The following NPAS3 variants were observed in gnomAD, a reference collection of about 807,000 sequenced individuals.
The protein encoded by NPAS3 is neuronal PAS domain protein 3.
A neutral mutation model predicts 73.1 loss-of-function variants in NPAS3; 14 were observed. That is an observed-to-expected ratio of 0.19 (90% CI 0.13 to 0.30). The LOEUF is 0.30. Among genes scored for constraint, NPAS3 ranks in the 10% least tolerant of loss-of-function variants. The pLI, the probability that NPAS3 is intolerant of heterozygous loss-of-function variation, is 1.00. For synonymous variants in NPAS3, 620 were observed against 541.5 expected (o/e 1.14, Z -2.01); for missense variants, 1,096 against 1,250.0 (o/e 0.88, Z 1.86).
intron 4 of NPAS3, among the ~76,000 whole-genome samples, chr14:33,466,018 T>C (rs1231158599): frequency 1.3e-5 from 2 of 152,156 alleles, no homozygotes; most frequent in Non-Finnish European, 2.9e-5. Flanking sequence ...TCAAAACACA[T>C]AGCAGATGGG....
At chr14:33,279,077 C>A (rs1007675432) in intron 3 of NPAS3, among the ~76,000 whole-genome samples, 5 of 152,100 alleles carry the variant, frequency 3.3e-5, no homozygotes, top group Admixed American at 2.6e-4. Context: ...ACCTGGAGAG[C>A]TTATTAAACA....
chr14:33,720,952 A>T (rs1312722640), intron 6 of NPAS3, among the ~76,000 whole-genome samples: 2 of 152,136 alleles, frequency 1.3e-5, no homozygotes, highest in African/African-American at 4.8e-5. Flanking sequence ...AAATATATAA[A>T]TATGGAAAAT....
At chr14:33,232,854 TA>T (rs2047901242) in intron 3 of NPAS3, among the ~76,000 whole-genome samples, 1 of 152,176 alleles carries the variant, frequency 6.6e-6, no homozygotes, top group Non-Finnish European at 1.5e-5. Context: ...AGCAGATATT[TA>T]AGTACAGGTT....
At chr14:33,307,644 T>C (rs1350865100) in intron 3 of NPAS3, among the ~76,000 whole-genome samples, 1 of 146,478 alleles carries the variant, frequency 6.8e-6, no homozygotes, top group Non-Finnish European at 1.5e-5. Flanking sequence ...TGCTGACTTA[T>C]TTCATGAAAA....
chr14:33,031,176 T>G (rs2039974674), intron 1 of NPAS3, among the ~76,000 whole-genome samples: 1 of 152,186 alleles, frequency 6.6e-6, no homozygotes. Flanking sequence ...CAGACTGGTG[T>G]TATTTCCATT....
intron 3 of NPAS3, among the ~76,000 whole-genome samples, chr14:33,320,292 T>C (rs1432230840): frequency 1.3e-5 from 2 of 152,160 alleles, no homozygotes; most frequent in East Asian, 3.9e-4. Context: ...GATACATTTC[T>C]ATTCAGTAAT....
chr14:33,686,419 T>C lies in NPAS3; in HGVS notation c.733+10034T>C, dbSNP rs573615365. Among the ~76,000 whole-genome samples, 102 of 152,292 alleles carry C rather than the reference T, an allele frequency of 6.7e-4. 1 individual carries two copies. The highest frequency in any genetic ancestry group is 1.3e-3 in the Admixed American group (20 of 15,296). ...AATGAAAACATTATTTTATTACTTA[T>C]AAATACAAAAAAGTTTAGAAGGAAC... On this transcript the variant is annotated intron_variant, in intron 6 of 11. Transcript: ENST00000356141.
chr14:33,200,560 T>C (rs2046575815), intron 2 of NPAS3, among the ~76,000 whole-genome samples: 1 of 143,622 alleles, frequency 7.0e-6, no homozygotes, highest in Non-Finnish European at 1.6e-5. Flanking sequence ...AAGGTTATTA[T>C]TGGCACTAAA....
chr14:33,684,243 A>G (rs560555552), intron 6 of NPAS3, among the ~76,000 whole-genome samples: 229 of 150,978 alleles, frequency 1.5e-3, no homozygotes, highest in Middle Eastern at 3.4e-3. Context: ...TTTTTTTAAC[A>G]TAGTCTCTTA....
chr14:32,963,239 TA>T (rs1407631028), intron 1 of NPAS3, among the ~76,000 whole-genome samples: 1 of 152,198 alleles, frequency 6.6e-6, no homozygotes, highest in African/African-American at 2.4e-5. Context: ...TTTGCTGTAA[TA>T]GGCCCCATAT....
intron 7 of NPAS3, among the ~76,000 whole-genome samples, chr14:33,769,258 C>T (rs746748333): frequency 6.6e-6 from 1 of 152,228 alleles, no homozygotes; most frequent in Non-Finnish European, 1.5e-5. Context: ...ATACCTTCAA[C>T]TATCATCACT....
chr14:33,692,088 T>C (rs2140412734), intron 6 of NPAS3, among the ~76,000 whole-genome samples: 1 of 152,322 alleles, frequency 6.6e-6, no homozygotes, highest in Admixed American at 6.5e-5. Flanking sequence ...AGAGTGTTTA[T>C]GCAATTAAAC....
At chr14:33,068,887 A>G (rs1349325763) in intron 2 of NPAS3, among the ~76,000 whole-genome samples, 1 of 152,082 alleles carries the variant, frequency 6.6e-6, no homozygotes, top group African/African-American at 2.4e-5. Flanking sequence ...TGGGGGCTGA[A>G]TGAGCAAGGA....
intron 3 of NPAS3, among the ~76,000 whole-genome samples, chr14:33,261,732 A>G (rs2048983727): frequency 6.6e-6 from 1 of 152,164 alleles, no homozygotes. Context: ...TTCCTCCAAT[A>G]TACATTTTCC....
At chr14:33,022,657 T>A (rs1469107920) in intron 1 of NPAS3, among the ~76,000 whole-genome samples, 3 of 87,776 alleles carry the variant, frequency 3.4e-5, no homozygotes, top group African/African-American at 5.5e-5. Context: ...AGAGCGAGAC[T>A]CCGTCCCAAA....
chr14:33,154,702 G>C (rs183447693), intron 2 of NPAS3, among the ~76,000 whole-genome samples: 1 of 152,260 alleles, frequency 6.6e-6, no homozygotes, highest in Admixed American at 6.5e-5. Flanking sequence ...CCTTAGAAAA[G>C]GATTCCAGGC....
intron 1 of NPAS3, among the ~76,000 whole-genome samples, chr14:33,019,266 A>G (rs2039504334): frequency 6.6e-6 from 1 of 152,260 alleles, no homozygotes; most frequent in Non-Finnish European, 1.5e-5. Context: ...CAGCATTTTA[A>G]TTAGTGATTC....
At chr14:33,388,045 G>T (rs1371682729) in intron 4 of NPAS3, among the ~76,000 whole-genome samples, 4 of 152,194 alleles carry the variant, frequency 2.6e-5, no homozygotes, top group South Asian at 2.1e-4. Flanking sequence ...GTGTGACCTT[G>T]AGTAGGACCT....
intron 2 of NPAS3, among the ~76,000 whole-genome samples, chr14:33,175,108 C>A (rs1486101982): frequency 6.6e-6 from 1 of 151,742 alleles, no homozygotes; most frequent in Admixed American, 6.6e-5. Flanking sequence ...TTTTTTATAT[C>A]CAGGAACCAA....
Sources: gnomAD v4.1 joint callset for allele counts (sites outside exome capture counted in the v4.1 genomes callset) on GRCh38, gnomAD v4.1.1 for gene constraint, MANE v1.5 for transcripts, NCBI Gene and HGNC (gene_info 2026-07-23, HGNC 2026-07-21) for gene names.